ARB2A: variants seen among roughly 807,000 people sequenced by gnomAD.
ARB2A encodes cotranscriptional regulator ARB2A.
chr5:93,875,612 G>T, the ARB2A span, among the ~76,000 whole-genome samples: 1 of 152,022 alleles, frequency 6.6e-6, no homozygotes, highest in African/African-American at 2.4e-5. Flanking sequence ...CACTAAAACA[G>T]GAAATAAAAA....
At chr5:93,679,821 G>A in the ARB2A span, among the ~76,000 whole-genome samples, 1 of 152,044 alleles carries the variant, frequency 6.6e-6, no homozygotes, top group Non-Finnish European at 1.5e-5. Flanking sequence ...TCCTGATTAC[G>A]TATTTAACTC....
chr5:93,875,424 G>C, the ARB2A span, among the ~76,000 whole-genome samples: 1 of 152,052 alleles, frequency 6.6e-6, no homozygotes, highest in African/African-American at 2.4e-5. Flanking sequence ...TAGTGACAGG[G>C]TTTCACCATG....
the ARB2A span, among the ~76,000 whole-genome samples, chr5:94,012,406 CA>C: frequency 6.6e-6 from 1 of 152,150 alleles, no homozygotes. Flanking sequence ...CATCTCAAAA[CA>C]AACAAACAAA....
the ARB2A span, among the ~76,000 whole-genome samples, chr5:94,004,396 A>G: frequency 6.6e-6 from 1 of 151,996 alleles, no homozygotes; most frequent in Non-Finnish European, 1.5e-5. Context: ...CTTGGCTAAC[A>G]TGGTGAAACC....
the ARB2A span, among the ~76,000 whole-genome samples, chr5:94,052,281 G>A: frequency 1.3e-5 from 2 of 151,922 alleles, no homozygotes; most frequent in Non-Finnish European, 2.9e-5. Flanking sequence ...TCCCCTCCAC[G>A]CAACAAATAT....
At chr5:93,689,186 G>T in the ARB2A span, among the ~76,000 whole-genome samples, 1 of 151,864 alleles carries the variant, frequency 6.6e-6, no homozygotes, top group African/African-American at 2.4e-5. Flanking sequence ...TCTTGCCTTT[G>T]CTTGGAACTC....
the ARB2A span, among the ~76,000 whole-genome samples, chr5:93,691,903 G>T: frequency 6.6e-6 from 1 of 152,100 alleles, no homozygotes. Flanking sequence ...TTTCAACCCA[G>T]AATTTCATAC....
At chr5:93,935,746 A>T in the ARB2A span, among the ~76,000 whole-genome samples, 1 of 152,246 alleles carries the variant, frequency 6.6e-6, no homozygotes, top group Non-Finnish European at 1.5e-5. Flanking sequence ...TTCACATCTC[A>T]TAAGAAATAA....
chr5:94,074,581 T>A, the ARB2A span: 2 of 1,254,084 alleles, frequency 1.6e-6, no homozygotes, highest in South Asian at 2.7e-5. Flanking sequence ...GAAGGTCACC[T>A]AAATATTCCT....
At chr5:94,048,168 C>T in the ARB2A span, among the ~76,000 whole-genome samples, 1 of 151,122 alleles carries the variant, frequency 6.6e-6, no homozygotes, top group Non-Finnish European at 1.5e-5. Flanking sequence ...GATTCTCCTG[C>T]CTCAGCCTCC....
chr5:93,694,670 C>T, the ARB2A span, among the ~76,000 whole-genome samples: 5 of 152,180 alleles, frequency 3.3e-5, no homozygotes, highest in African/African-American at 4.8e-5. Context: ...ACTTTCTTCA[C>T]ATAATTAGAA....
the ARB2A span, chr5:93,741,139 T>A: frequency 2.5e-6 from 4 of 1,613,782 alleles, no homozygotes; most frequent in South Asian, 4.4e-5. Context: ...GGCCTGCGAG[T>A]ACCCTAGGCT....
chr5:93,692,106 A>G, the ARB2A span, among the ~76,000 whole-genome samples: 1 of 152,246 alleles, frequency 6.6e-6, no homozygotes, highest in South Asian at 2.1e-4. Context: ...ACTATAAAGA[A>G]ACTGCATTAA....
At chr5:93,776,968 C>A in the ARB2A span, among the ~76,000 whole-genome samples, 1 of 151,884 alleles carries the variant, frequency 6.6e-6, no homozygotes, top group Non-Finnish European at 1.5e-5. Context: ...GAAAGAATAG[C>A]CAATTTTTAA....
At chr5:93,793,376 A>G in the ARB2A span, among the ~76,000 whole-genome samples, 2 of 150,178 alleles carry the variant, frequency 1.3e-5, no homozygotes, top group Admixed American at 1.4e-4. Flanking sequence ...GAGTCACTGC[A>G]GGCAGCCTAC....
chr5:94,063,859 C>T, the ARB2A span, among the ~76,000 whole-genome samples: 1 of 151,910 alleles, frequency 6.6e-6, no homozygotes, highest in African/African-American at 2.4e-5. Context: ...AAAAATCATC[C>T]ATTATGATAG....
At chr5:94,036,912 T>C in the ARB2A span, among the ~76,000 whole-genome samples, 1 of 152,200 alleles carries the variant, frequency 6.6e-6, no homozygotes, top group South Asian at 2.1e-4. Flanking sequence ...GTAGGTTTTA[T>C]TTCATTTTTT....
chr5:94,024,654 A>G, the ARB2A span, among the ~76,000 whole-genome samples: 6 of 152,180 alleles, frequency 3.9e-5, no homozygotes, highest in African/African-American at 1.4e-4. Flanking sequence ...AAAGAATAAA[A>G]GAATTATTTT....
chr5:93,890,386 C>G, the ARB2A span, among the ~76,000 whole-genome samples: 4 of 151,528 alleles, frequency 2.6e-5, no homozygotes, highest in African/African-American at 9.7e-5. Flanking sequence ...AACAGAATTA[C>G]TTTCATGTGC....
Sources: allele counts gnomAD v4.1 joint callset (sites outside exome capture counted in the v4.1 genomes callset), GRCh38; gene constraint gnomAD v4.1.1; transcripts MANE v1.5; gene names NCBI Gene and HGNC (gene_info 2026-07-23, HGNC 2026-07-21).